The following RSPRY1 variants were observed in gnomAD, a reference collection of about 807,000 sequenced individuals.
RSPRY1 encodes RING finger and SPRY domain-containing protein 1.
A neutral mutation model predicts 73.1 loss-of-function variants in RSPRY1; 23 were observed. The observed-to-expected ratio is 0.31, with a 90% CI of 0.23 to 0.45. The LOEUF is 0.45. Ranked by LOEUF, RSPRY1 falls within the 20% of genes least tolerant of loss-of-function variation. The probability of loss-of-function intolerance (pLI) is 1.00; values close to 1 mark genes in which losing one functional copy is unlikely to be tolerated. For synonymous variants in RSPRY1, 226 were observed against 251.4 expected (o/e 0.90, Z 0.95); for missense variants, 448 against 698.7 (o/e 0.64, Z 4.05).
chr16:57,237,362 C>T (rs868759221), intron 14 of RSPRY1, among the ~76,000 whole-genome samples: 9 of 151,648 alleles, frequency 5.9e-5, no homozygotes, highest in Non-Finnish European at 1.0e-4. Context: ...CAGGCTGGCT[C>T]GAACTCCTGA....
At chr16:57,229,514 G>A (rs1166838277) in intron 11 of RSPRY1, among the ~76,000 whole-genome samples, 1 of 151,752 alleles carries the variant, frequency 6.6e-6, no homozygotes, top group Non-Finnish European at 1.5e-5. Context: ...AGTTACTCAG[G>A]AGGCTGAAGC....
intron 4 of RSPRY1, 50 bp downstream of exon 4, chr16:57,209,237 A>G (rs1026564528): frequency 4.1e-6 from 5 of 1,214,386 alleles, no homozygotes; most frequent in Non-Finnish European, 6.0e-6. Flanking sequence ...CTTAAGCACA[A>G]GATAAATGAC....
Position 57,229,690 on chromosome 16 carries a change from C to CT in RSPRY1, c.1274-988dup, listed in dbSNP as rs1162737560. Among the ~76,000 whole-genome samples, 262 of 42,138 alleles carry CT rather than the reference C, an allele frequency of 6.2e-3. 89 individuals are homozygous for CT. The highest frequency in any genetic ancestry group is 0.044 in the East Asian group (47 of 1,060). The allele number at this position is 42,138 out of a possible 152,430, so 27.6% of individuals were successfully genotyped here. On this transcript the variant is annotated intron_variant, in intron 11 of 14. Transcript: ENST00000394420. Reference sequence around the variant, plus strand: ...TTTATCTGATAAGTGAAGATAAATGCTTTTTTTTTTTTTTTTTTTTTTTTT... The same window carrying CT: ...TTTATCTGATAAGTGAAGATAAATGCTTTTTTTTTTTTTTTTTTTTTTTTTT...
intron 7 of RSPRY1, 144 bp downstream of exon 7, chr16:57,216,317 C>T (rs1047969822): frequency 1.8e-5 from 11 of 622,442 alleles, no homozygotes; most frequent in Non-Finnish European, 2.6e-5. Context: ...CACGTTAAAG[C>T]CAATGAAGTA....
chr16:57,216,000 C>A (rs1029575871), intron 6 of RSPRY1, 107 bp from the exon 7 acceptor site: 4 of 830,532 alleles, frequency 4.8e-6, no homozygotes, highest in South Asian at 1.6e-5. Flanking sequence ...TCTGACCACT[C>A]GAAAAAACAT....
chr16:57,239,641 T>C lies in RSPRY1; in HGVS notation c.*666T>C, dbSNP rs2075350763. 1 of 151,260 alleles carries C rather than the reference T, an allele frequency of 6.6e-6. No individual in the cohort carries two copies. The highest frequency in any genetic ancestry group is 2.4e-5 in the African/African-American group (1 of 41,212). 9.4% of individuals were successfully genotyped at this position (151,260 alleles called of 1,614,324 possible). Reference sequence around the variant, plus strand: ...TTTTTTTTTTACTGCAGAAAATTGGTGGTATTTTCACATTCATAGTGTTTC... The same window carrying C: ...TTTTTTTTTTACTGCAGAAAATTGGCGGTATTTTCACATTCATAGTGTTTC... On this transcript the variant is annotated 3_prime_UTR_variant, in exon 15 of 15. Coordinates refer to ENST00000394420, the MANE Select transcript of RSPRY1 (RefSeq NM_133368.3).
At chr16:57,205,080 C>T (rs2074699902) in intron 2 of RSPRY1, 72 bp downstream of exon 2, 1 of 1,137,458 alleles carries the variant, frequency 8.8e-7, no homozygotes, top group South Asian at 1.5e-5. Context: ...CTTTAGGACT[C>T]CTTCAGTTCC....
chr16:57,231,353 C>G lies in RSPRY1; in HGVS notation c.1529+34C>G, dbSNP rs763668574. On this transcript the variant is annotated intron_variant, in intron 13 of 14. Coordinates refer to ENST00000394420, the MANE Select transcript of RSPRY1 (RefSeq NM_133368.3). Reference sequence around the variant, plus strand: ...TCTGCCCAGGCTATCTCCAGACTTTCACATGAATCTTATGAGAAATTAAAC... The same window carrying G: ...TCTGCCCAGGCTATCTCCAGACTTTGACATGAATCTTATGAGAAATTAAAC... 1.1e-5 allele frequency: 17 copies of G among 1,565,844 alleles called. No homozygotes were observed. In the East Asian group the frequency reaches 3.6e-4, roughly 33 times the overall value.
At chr16:57,233,122 C>G (rs1437422259) in intron 13 of RSPRY1, among the ~76,000 whole-genome samples, 1 of 152,200 alleles carries the variant, frequency 6.6e-6, no homozygotes, top group Non-Finnish European at 1.5e-5. Context: ...TTTCTGGCAT[C>G]AGGGTAGGAG....
intron 12 of RSPRY1, 100 bp downstream of exon 12, chr16:57,230,913 T>C: frequency 1.3e-6 from 1 of 753,424 alleles, no homozygotes; most frequent in Non-Finnish European, 2.2e-6. Flanking sequence ...GCAATTGTGA[T>C]GAGAAATTGA....
chr16:57,216,795 A>G (rs2074948695), intron 7 of RSPRY1, 109 bp from the exon 8 acceptor site: 3 of 991,706 alleles, frequency 3.0e-6, no homozygotes, highest in Non-Finnish European at 4.6e-6. Context: ...AGTCTAATCT[A>G]GTCTCCAATT....
In RSPRY1 at chr16:57,225,043, A is replaced by G. The variant is rs2075099346; in HGVS notation, c.1162-2299A>G. Among the ~76,000 whole-genome samples the G allele has an allele frequency of 2.6e-5, 4 of 152,308 alleles. No homozygotes were observed. In the South Asian group the frequency reaches 6.2e-4, roughly 24 times the overall value. Reference sequence around the variant, plus strand: ...AAAGGTGTGGCAAGGCATTCTTTCTAGCAAGTAGTGAATTTCTTTTGTTTT... The same window carrying G: ...AAAGGTGTGGCAAGGCATTCTTTCTGGCAAGTAGTGAATTTCTTTTGTTTT... On this transcript the variant is annotated intron_variant, in intron 10 of 14. Coordinates refer to ENST00000394420, the MANE Select transcript of RSPRY1 (RefSeq NM_133368.3).
chr16:57,198,190 C>G (rs2074487995), intron 1 of RSPRY1, among the ~76,000 whole-genome samples: 1 of 152,066 alleles, frequency 6.6e-6, no homozygotes, highest in Non-Finnish European at 1.5e-5. Flanking sequence ...TCGAGACTAT[C>G]CTGACTAACA....
rs1408804554 is a variant in RSPRY1 at position 57,224,934 on chromosome 16, G to T, written c.1162-2408G>T. On this transcript the variant is annotated intron_variant, in intron 10 of 14. Transcript: ENST00000394420. ...GACATTAGAAGGTGAAGATAGAAAAGAATTGCTTGCCTTTTACTTATGCCA... is the reference window on the plus strand; with the variant it reads ...GACATTAGAAGGTGAAGATAGAAAATAATTGCTTGCCTTTTACTTATGCCA... 7.2e-5 allele frequency among the ~76,000 whole-genome samples: 11 copies of T among 152,256 alleles called. No homozygotes were observed. The South Asian group carries it at 2.1e-3, about 29-fold the overall frequency.
intron 4 of RSPRY1, among the ~76,000 whole-genome samples, chr16:57,211,269 A>AT (rs1313628163): frequency 1.3e-5 from 2 of 150,176 alleles, no homozygotes; most frequent in South Asian, 4.2e-4. Flanking sequence ...TCTCTGTTAA[A>AT]AAAAAAAAAA....
intron 2 of RSPRY1, 91 bp from the exon 3 acceptor site, chr16:57,207,967 C>G (rs1312309688): frequency 3.8e-6 from 3 of 795,716 alleles, no homozygotes; most frequent in Admixed American, 2.3e-5. Flanking sequence ...TCTTCTGTCC[C>G]TTTTTACCTC....
At chr16:57,196,145 C>T (rs546195024) in intron 1 of RSPRY1, among the ~76,000 whole-genome samples, 135 of 151,572 alleles carry the variant, frequency 8.9e-4, no homozygotes, top group African/African-American at 3.2e-3. Flanking sequence ...CCTTAAGCAG[C>T]GTATCATTTA....
chr16:57,212,935 T>G, intron 4 of RSPRY1, 37 bp from the exon 5 acceptor site: 1 of 1,607,758 alleles, frequency 6.2e-7, no homozygotes, highest in Non-Finnish European at 8.5e-7. Flanking sequence ...ACCTGTGTAG[T>G]ATATGGGTCA....
In RSPRY1 at chr16:57,194,650, G is replaced by A. The variant is rs755105664; in HGVS notation, c.-156+8199G>A. Among the ~76,000 whole-genome samples, 36 of 152,154 alleles carry A rather than the reference G, an allele frequency of 2.4e-4. 1 individual carries two copies. The highest frequency in any genetic ancestry group is 5.0e-4 in the Non-Finnish European group (34 of 68,028). On this transcript the variant is annotated intron_variant, in intron 1 of 14. Transcript: ENST00000394420. ...AAGATTATAACAATAGTAATTTAGT[G>A]CCCAAAGTCTGGTTTTTCTTCTTTA...
Sources: allele counts gnomAD v4.1 joint callset (sites outside exome capture counted in the v4.1 genomes callset), GRCh38; gene constraint gnomAD v4.1.1; transcripts MANE v1.5; gene names NCBI Gene and HGNC (gene_info 2026-07-23, HGNC 2026-07-21).